ROBO2: variants seen among roughly 807,000 people sequenced by gnomAD.
ROBO2 encodes roundabout guidance receptor 2.
ROBO2 carries 53 observed loss-of-function variants against 160.8 expected under a neutral mutation model. The ratio of observed to expected loss-of-function variants is 0.33; its 90% CI spans 0.26 to 0.41. The LOEUF (loss-of-function observed/expected upper bound fraction) is 0.41. Among genes scored for constraint, ROBO2 ranks in the 10% least tolerant of loss-of-function variants. The pLI, the probability that ROBO2 is intolerant of heterozygous loss-of-function variation, is 1.00. For missense variants in ROBO2, 1,577 were observed against 1,722.4 expected, an observed-to-expected ratio of 0.92 and a Z score of 1.49; for synonymous variants, 664 against 611.7, an observed-to-expected ratio of 1.09 and a Z score of -1.26.
At chr3:76,115,689 C>T (rs1195749377) in intron 2 of ROBO2, among the ~76,000 whole-genome samples, 1 of 151,832 alleles carries the variant, frequency 6.6e-6, no homozygotes, top group Admixed American at 6.6e-5. Context: ...AATAAACAAA[C>T]ATCAATTGTT....
Position 77,290,173 on chromosome 3 carries a change from A to G in ROBO2, c.389-187241A>G, listed in dbSNP as rs62249752. Among the ~76,000 whole-genome samples, 690 of 151,782 alleles carry G rather than the reference A, an allele frequency of 4.5e-3. 4 individuals are homozygous for G. The highest frequency in any genetic ancestry group is 0.014 in the Middle Eastern group (4 of 292). The stretch of plus-strand genomic sequence containing the variant: ...GGGTAAGCTGAGGCTAGATCACCCA[A>G]GACACAAAGTAAAATTGATGGTTAA... On this transcript the variant is annotated intron_variant, in intron 2 of 25. Coordinates refer to ENST00000461745, the Ensembl canonical transcript of ROBO2.
chr3:77,149,827 G>T (rs1384079456), intron 2 of ROBO2, among the ~76,000 whole-genome samples: 9 of 144,758 alleles, frequency 6.2e-5, no homozygotes, highest in African/African-American at 2.3e-4. Flanking sequence ...TGATTCCATT[G>T]TCCATTAGTG....
At chr3:76,372,858 T>C (rs2076170980) in intron 2 of ROBO2, among the ~76,000 whole-genome samples, 1 of 151,878 alleles carries the variant, frequency 6.6e-6, no homozygotes, top group Non-Finnish European at 1.5e-5. Flanking sequence ...TCACCAAACA[T>C]GCATCCTGAG....
intron 2 of ROBO2, among the ~76,000 whole-genome samples, chr3:76,874,763 T>A (rs2072517534): frequency 6.6e-6 from 1 of 152,154 alleles, no homozygotes; most frequent in East Asian, 1.9e-4. Flanking sequence ...ATCATTTAAT[T>A]TCTTCACAGT....
chr3:77,223,172 A>C (rs541239409), intron 2 of ROBO2, among the ~76,000 whole-genome samples: 6 of 152,224 alleles, frequency 3.9e-5, no homozygotes, highest in Admixed American at 3.3e-4. Flanking sequence ...ATGAAGAATG[A>C]CTCTATGAAC....
At chr3:77,316,689 A>G (rs1221479247) in intron 2 of ROBO2, 3 of 750,330 alleles carry the variant, frequency 4.0e-6, no homozygotes, top group Non-Finnish European at 7.3e-6. Flanking sequence ...TAAAAGGTAC[A>G]CTAAATTCTG....
rs566380614 is a variant in ROBO2 at position 76,332,304 on chromosome 3, T to C, written c.109+394702T>C. 8.5e-5 allele frequency among the ~76,000 whole-genome samples: 13 copies of C among 152,316 alleles called. 1 individual carries two copies. The highest frequency in any genetic ancestry group is 2.9e-4 in the African/African-American group (12 of 41,568). ...TTTGCTTTATGTTTTCTTCAAGTTGTGTATGTGAAGCAAGGTGTTTTAGGG... is the reference window on the plus strand; with the variant it reads ...TTTGCTTTATGTTTTCTTCAAGTTGCGTATGTGAAGCAAGGTGTTTTAGGG... On this transcript the variant is annotated intron_variant, in intron 2 of 26. Coordinates refer to the ROBO2 transcript ENST00000487694.
intron 2 of ROBO2, among the ~76,000 whole-genome samples, chr3:77,240,964 A>G (rs902103213): frequency 2.0e-5 from 3 of 152,254 alleles, no homozygotes; most frequent in African/African-American, 7.2e-5. Context: ...TGTATTCACA[A>G]CTTACTTTTT....
At chr3:76,576,195 C>G (rs2085278635) in intron 2 of ROBO2, among the ~76,000 whole-genome samples, 2 of 152,076 alleles carry the variant, frequency 1.3e-5, no homozygotes, top group Non-Finnish European at 2.9e-5. Context: ...TTCATGTTAA[C>G]TTTTGTTGAA....
intron 2 of ROBO2, among the ~76,000 whole-genome samples, chr3:77,119,012 A>G (rs1430617675): frequency 6.6e-6 from 1 of 152,094 alleles, no homozygotes; most frequent in Non-Finnish European, 1.5e-5. Flanking sequence ...TGATTGGATC[A>G]TGGGTGAGGG....
intron 2 of ROBO2, among the ~76,000 whole-genome samples, chr3:75,980,968 G>A (rs528769332): frequency 1.3e-5 from 2 of 151,600 alleles, no homozygotes; most frequent in African/African-American, 4.8e-5. Context: ...ACCATGTGAA[G>A]TATTCAAATA....
intron 2 of ROBO2, among the ~76,000 whole-genome samples, chr3:76,212,476 A>T (rs72630377): frequency 0.13 from 19,181 of 152,026 alleles, 1,591 homozygotes; most frequent in East Asian, 0.23. Context: ...CTTAAGTTCC[A>T]GTTTATAAGA....
At chr3:77,602,655 ACCACCG>A (rs1401771709) in intron 20 of ROBO2, 164 bp downstream of exon 21, 2 of 762,670 alleles carry the variant, frequency 2.6e-6, no homozygotes, top group Non-Finnish European at 4.3e-6. Flanking sequence ...TCCTACCACC[ACCACCG>A]CCACCACCAC....
intron 2 of ROBO2, among the ~76,000 whole-genome samples, chr3:76,703,476 A>G (rs930929985): frequency 1.2e-4 from 19 of 152,028 alleles, no homozygotes; most frequent in South Asian, 4.2e-4. Flanking sequence ...TCAACCAGTC[A>G]CCTACATTAG....
In ROBO2 at chr3:77,508,172, G is replaced by A. The variant is rs963234299; in HGVS notation, c.807-14603G>A. ...AGAACTGCAGGGAGCTTCAATAATTGTTCTGATTTTCACTAAATTGAAAGT... is the reference window on the plus strand; with the variant it reads ...AGAACTGCAGGGAGCTTCAATAATTATTCTGATTTTCACTAAATTGAAAGT... On this transcript the variant is annotated intron_variant, in intron 5 of 25. Transcript: ENST00000461745. 1.5e-4 allele frequency among the ~76,000 whole-genome samples: 22 copies of A among 151,462 alleles called. 1 individual carries two copies. The highest frequency in any genetic ancestry group is 1.3e-3 in the Admixed American group (19 of 15,178).
intron 2 of ROBO2, among the ~76,000 whole-genome samples, chr3:77,168,528 A>G (rs1007902087): frequency 2.6e-5 from 4 of 152,164 alleles, no homozygotes; most frequent in Admixed American, 2.0e-4. Context: ...AAATGGAGCT[A>G]GCTACATTTC....
chr3:76,841,188 C>T (rs1264794463), intron 2 of ROBO2, among the ~76,000 whole-genome samples: 1 of 152,022 alleles, frequency 6.6e-6, no homozygotes, highest in African/African-American at 2.4e-5. Context: ...TAGAAAGAAC[C>T]CAGATAGAAA....
intron 2 of ROBO2, among the ~76,000 whole-genome samples, chr3:75,952,419 CACTT>C (rs1948577763): frequency 6.6e-6 from 1 of 151,912 alleles, no homozygotes; most frequent in Non-Finnish European, 1.5e-5. Context: ...AATTATCAGT[CACTT>C]ACTAAAATTG....
At chr3:76,122,241 A>C (rs2070781284) in intron 2 of ROBO2, among the ~76,000 whole-genome samples, 1 of 151,890 alleles carries the variant, frequency 6.6e-6, no homozygotes, top group Non-Finnish European at 1.5e-5. Flanking sequence ...CAGCTCCTTT[A>C]TTTATTTTCT....
Sources: allele counts gnomAD v4.1 joint callset (sites outside exome capture counted in the v4.1 genomes callset), GRCh38; gene constraint gnomAD v4.1.1; transcripts MANE v1.5; gene names NCBI Gene and HGNC (gene_info 2026-07-23, HGNC 2026-07-21).